Variants in MACROD2 observed in about 807,000 individuals in gnomAD.
MACROD2 encodes ADP-ribose glycohydrolase MACROD2.
In MACROD2, 36 loss-of-function variants were observed where a neutral mutation model predicts 70.4. That is an observed-to-expected ratio of 0.51 (90% CI 0.39 to 0.68). The LOEUF (loss-of-function observed/expected upper bound fraction) is 0.68. Ranked by LOEUF, MACROD2 falls within the 30% of genes least tolerant of loss-of-function variation. The pLI, the probability that MACROD2 is intolerant of heterozygous loss-of-function variation, is 0.00. For missense variants in MACROD2, 496 were observed against 538.4 expected (o/e 0.92, Z 0.78); for synonymous variants, 172 against 178.8 (o/e 0.96, Z 0.30).
intron 12 of MACROD2, among the ~76,000 whole-genome samples, chr20:15,961,429 C>T (rs997202695): frequency 6.6e-6 from 1 of 152,134 alleles, no homozygotes; most frequent in African/African-American, 2.4e-5. Context: ...TATCTTAGTC[C>T]TTGAAATTCT....
In MACROD2 at chr20:14,978,062, G is replaced by A. The variant is rs1600900121; in HGVS notation, c.419-251878G>A. On this transcript the variant is annotated intron_variant, in intron 5 of 17. Transcript: ENST00000684519. ...AACATGATATGGAGCTGTAATCCAT[G>A]TGATTAATTCAGTGAAAACAATTAA... Among the ~76,000 whole-genome samples, 2 of 152,102 alleles carry A rather than the reference G, an allele frequency of 1.3e-5. 1 individual carries two copies. Among genetic ancestry groups the A allele is most frequent in the Admixed American group, 1.3e-4 (2 of 15,260 alleles).
intron 4 of MACROD2, among the ~76,000 whole-genome samples, chr20:14,510,792 G>T (rs2085021205): frequency 6.6e-6 from 1 of 152,072 alleles, no homozygotes; most frequent in Admixed American, 6.6e-5. Flanking sequence ...TTTTCACAAA[G>T]AAGAATTTAT....
chr20:15,174,623 G>A (rs1432770354), intron 5 of MACROD2, among the ~76,000 whole-genome samples: 2 of 152,172 alleles, frequency 1.3e-5, no homozygotes, highest in Admixed American at 6.5e-5. Flanking sequence ...CCCACCAACA[G>A]TGTAAAAGTG....
intron 10 of MACROD2, among the ~76,000 whole-genome samples, chr20:15,904,677 G>A (rs2065116996): frequency 6.6e-6 from 1 of 151,894 alleles, no homozygotes; most frequent in South Asian, 2.1e-4. Context: ...CAGATCACGA[G>A]GTCAGGAGAT....
chr20:15,123,296 A>G (rs1011296720), intron 5 of MACROD2, among the ~76,000 whole-genome samples: 2 of 152,150 alleles, frequency 1.3e-5, no homozygotes, highest in Non-Finnish European at 2.9e-5. Flanking sequence ...CAAAGAGACC[A>G]GAAGGAAGAA....
At chr20:14,235,688 A>G (rs1260388350) in intron 3 of MACROD2, among the ~76,000 whole-genome samples, 1 of 152,170 alleles carries the variant, frequency 6.6e-6, no homozygotes, top group Non-Finnish European at 1.5e-5. Context: ...TGGTCTGTGT[A>G]GATTACACTT....
intron 8 of MACROD2, among the ~76,000 whole-genome samples, chr20:15,716,224 T>A (rs1267622717): frequency 6.6e-6 from 1 of 152,178 alleles, no homozygotes; most frequent in Non-Finnish European, 1.5e-5. Context: ...TCAGTTGATT[T>A]AAATAACGTT....
chr20:15,152,588 G>T (rs1365186097), intron 5 of MACROD2, among the ~76,000 whole-genome samples: 2 of 151,756 alleles, frequency 1.3e-5, no homozygotes, highest in African/African-American at 4.9e-5. Flanking sequence ...AAGGGTGAAG[G>T]TGAAGGGGTT....
intron 8 of MACROD2, among the ~76,000 whole-genome samples, chr20:15,703,188 T>C (rs2050485319): frequency 6.6e-6 from 1 of 152,204 alleles, no homozygotes; most frequent in African/African-American, 2.4e-5. Context: ...CTATTAGAAT[T>C]CTGCAAGAAA....
chr20:14,975,115 C>T (rs1429387682), intron 5 of MACROD2, among the ~76,000 whole-genome samples: 5 of 152,004 alleles, frequency 3.3e-5, no homozygotes, highest in Admixed American at 6.6e-5. Flanking sequence ...CAACCCCTGA[C>T]AAATTTTGGT....
Position 15,590,896 on chromosome 20 carries a change from AAGAG to A in MACROD2, c.645+91060_645+91063del, listed in dbSNP as rs374021454. Among the ~76,000 whole-genome samples, 13 of 150,724 alleles carry A rather than the reference AAGAG, an allele frequency of 8.6e-5. 1 individual carries two copies. Among genetic ancestry groups the A allele is most frequent in the Admixed American group, 2.7e-4 (4 of 15,078 alleles). On this transcript the variant is annotated intron_variant, in intron 8 of 17. Transcript: ENST00000684519. ...AAAAAAAAAAGAAAGAAAGAGAGAA[AAGAG>A]AGAGAGAGAGGAAGGAAGGAAAGAA...
At chr20:14,064,476 G>A (rs1216387037) in intron 2 of MACROD2, among the ~76,000 whole-genome samples, 1 of 151,950 alleles carries the variant, frequency 6.6e-6, no homozygotes, top group African/African-American at 2.4e-5. Context: ...GCTGGCTCTC[G>A]CACCTGCATT....
At chr20:14,495,732 G>A (rs2084846095) in intron 4 of MACROD2, among the ~76,000 whole-genome samples, 1 of 151,960 alleles carries the variant, frequency 6.6e-6, no homozygotes, top group Non-Finnish European at 1.5e-5. Flanking sequence ...TGAATTTCTA[G>A]CAATGATAAG....
At chr20:15,823,275 C>CGTGTGTGTGTGTGT (rs11471023) in intron 8 of MACROD2, among the ~76,000 whole-genome samples, 2 of 128,644 alleles carry the variant, frequency 1.6e-5, no homozygotes, top group African/African-American at 3.1e-5. Context: ...GTGAGCTCTT[C>CGTGTGTGTGTGTGT]GTGTGTGTGT....
At chr20:14,308,391 A>G (rs978032152) in intron 3 of MACROD2, among the ~76,000 whole-genome samples, 2 of 152,132 alleles carry the variant, frequency 1.3e-5, no homozygotes, top group Non-Finnish European at 2.9e-5. Flanking sequence ...AACAGCTTCC[A>G]TCTTCTGACT....
chr20:15,236,513 C>T (rs900020319), intron 6 of MACROD2, among the ~76,000 whole-genome samples: 1 of 152,224 alleles, frequency 6.6e-6, no homozygotes, highest in African/African-American at 2.4e-5. Context: ...TGAACTCCCA[C>T]TTGGTGCCAG....
intron 3 of MACROD2, among the ~76,000 whole-genome samples, chr20:14,239,139 T>A (rs2081906488): frequency 6.7e-6 from 1 of 150,348 alleles, no homozygotes; most frequent in Non-Finnish European, 1.5e-5. Flanking sequence ...CAAAAGAGAA[T>A]AAAGTACTTA....
At chr20:15,285,773 G>C (rs909043200) in intron 6 of MACROD2, among the ~76,000 whole-genome samples, 1 of 152,062 alleles carries the variant, frequency 6.6e-6, no homozygotes, top group Non-Finnish European at 1.5e-5. Context: ...GCATTATGAT[G>C]TTTTGAATTT....
chr20:15,842,071 G>A (rs188537275), intron 8 of MACROD2, among the ~76,000 whole-genome samples: 1 of 152,048 alleles, frequency 6.6e-6, no homozygotes, highest in Non-Finnish European at 1.5e-5. Flanking sequence ...AGTCCATGAG[G>A]TGAGGAGTCT....
Sources: allele counts gnomAD v4.1 joint callset (sites outside exome capture counted in the v4.1 genomes callset), GRCh38; gene constraint gnomAD v4.1.1; transcripts MANE v1.5; gene names NCBI Gene and HGNC (gene_info 2026-07-23, HGNC 2026-07-21).